The following CNTNAP5 variants were observed in gnomAD, a reference collection of about 807,000 sequenced individuals.
The protein encoded by CNTNAP5 is contactin associated protein family member 5.
In CNTNAP5, 72 loss-of-function variants were observed where a neutral mutation model predicts 150.2. The ratio of observed to expected loss-of-function variants is 0.48; its 90% CI spans 0.40 to 0.58. CNTNAP5 has a LOEUF of 0.58. Ranked by LOEUF, CNTNAP5 falls within the 20% of genes least tolerant of loss-of-function variation. CNTNAP5 has a pLI of 0.00. For synonymous variants in CNTNAP5, 672 were observed against 619.8 expected, an observed-to-expected ratio of 1.08 and a Z score of -1.25; for missense variants, 1,636 against 1,626.2, an observed-to-expected ratio of 1.01 and a Z score of -0.10.
At chr2:124,355,831 A>C (rs564361773) in intron 3 of CNTNAP5, among the ~76,000 whole-genome samples, 78 of 152,312 alleles carry the variant, frequency 5.1e-4, no homozygotes, top group African/African-American at 1.9e-3. Context: ...ATGGATATTG[A>C]AGAGGAAGGA....
chr2:124,201,958 C>T (rs900162700), intron 1 of CNTNAP5, among the ~76,000 whole-genome samples: 1 of 152,040 alleles, frequency 6.6e-6, no homozygotes, highest in African/African-American at 2.4e-5. Context: ...TTTGCTTTGT[C>T]CTCGGCCCCT....
At chr2:124,670,970 GTC>G (rs1470709645) in intron 13 of CNTNAP5, among the ~76,000 whole-genome samples, 1 of 152,214 alleles carries the variant, frequency 6.6e-6, no homozygotes, top group East Asian at 1.9e-4. Context: ...AGAGGTTAGT[GTC>G]TGTTCATGTG....
rs1553434465 is a variant in CNTNAP5, at chr2:124,713,285, CTT to C, written c.2078-33942_2078-33941del. ...TCTTTCTTTCTTTCTTTCTTTCTTT[CTT>C]TCTTTCTTTCTTTCTTCTTTCTCTT... is the stretch of plus-strand genomic sequence containing the variant. On this transcript the variant is annotated intron_variant, in intron 13 of 23. Coordinates refer to ENST00000682447, the MANE Select transcript of CNTNAP5 (RefSeq NM_001367498.1). 2.8e-3 allele frequency among the ~76,000 whole-genome samples: 292 copies of C among 104,864 alleles called. 10 individuals are homozygous for C. In the Middle Eastern group the frequency reaches 0.048, roughly 17 times the overall value. The allele number at this position is 104,864 out of a possible 152,430, so 68.8% of individuals were successfully genotyped here. A position where few individuals can be genotyped will look rare whatever the true frequency, so the allele number is the denominator to read the frequency against.
At chr2:124,426,147 AT>A (rs11324172) in intron 4 of CNTNAP5, among the ~76,000 whole-genome samples, 9,251 of 151,368 alleles carry the variant, frequency 0.061, 431 homozygotes, top group South Asian at 0.13. Context: ...CAGAGTTTTG[AT>A]TTTTTTTTGT....
intron 2 of CNTNAP5, among the ~76,000 whole-genome samples, chr2:124,231,963 G>A (rs1686633843): frequency 6.6e-6 from 1 of 151,920 alleles, no homozygotes; most frequent in South Asian, 2.1e-4. Context: ...CAAAAAAAAA[G>A]TTCCAAGAAA....
intron 1 of CNTNAP5, among the ~76,000 whole-genome samples, chr2:124,122,600 C>T (rs1400750613): frequency 6.6e-6 from 1 of 152,108 alleles, no homozygotes; most frequent in African/African-American, 2.4e-5. Flanking sequence ...TTTCTAGAAG[C>T]ACAAGCATGT....
intron 19 of CNTNAP5, among the ~76,000 whole-genome samples, chr2:124,838,150 A>T (rs572352847): frequency 6.6e-6 from 1 of 152,288 alleles, no homozygotes; most frequent in Admixed American, 6.5e-5. Flanking sequence ...TAATTGCAAG[A>T]ATAGTTAACA....
At chr2:124,332,744 A>G (rs184500010) in intron 3 of CNTNAP5, among the ~76,000 whole-genome samples, 110 of 152,218 alleles carry the variant, frequency 7.2e-4, no homozygotes, top group African/African-American at 2.5e-3. Context: ...TATTCCAGTT[A>G]CATGTATTTA....
intron 14 of CNTNAP5, among the ~76,000 whole-genome samples, chr2:124,761,605 CT>C (rs1680957042): frequency 1.3e-5 from 2 of 152,074 alleles, no homozygotes; most frequent in African/African-American, 4.8e-5. Context: ...CTCTTTCCCC[CT>C]GACAAGAGAT....
At chr2:124,712,633 A>G (rs2105105236) in intron 13 of CNTNAP5, among the ~76,000 whole-genome samples, 1 of 152,330 alleles carries the variant, frequency 6.6e-6, no homozygotes, top group East Asian at 1.9e-4. Context: ...TGGGAAGTCC[A>G]AGATCAAGTT....
intron 11 of CNTNAP5, among the ~76,000 whole-genome samples, chr2:124,588,223 T>C (rs1206133365): frequency 2.7e-5 from 4 of 147,574 alleles, no homozygotes; most frequent in African/African-American, 1.0e-4. Context: ...TTTCTTTCTT[T>C]CTTTCTTTCT....
intron 11 of CNTNAP5, among the ~76,000 whole-genome samples, chr2:124,597,748 T>A (rs1696866215): frequency 6.6e-6 from 1 of 152,008 alleles, no homozygotes; most frequent in Non-Finnish European, 1.5e-5. Context: ...TTTTCCAACT[T>A]GGTTCCATTC....
chr2:124,645,890 A>T (rs1229078626), intron 12 of CNTNAP5, among the ~76,000 whole-genome samples: 1 of 152,116 alleles, frequency 6.6e-6, no homozygotes, highest in Non-Finnish European at 1.5e-5. Context: ...GGCAGTTCAG[A>T]CGGCAAGAGC....
intron 12 of CNTNAP5, among the ~76,000 whole-genome samples, chr2:124,638,251 A>G (rs1026444007): frequency 4.4e-5 from 6 of 135,804 alleles, no homozygotes; most frequent in Non-Finnish European, 8.6e-5. Context: ...AACTTCTCTC[A>G]CAGTGAGACC....
intron 6 of CNTNAP5, among the ~76,000 whole-genome samples, chr2:124,449,879 A>G (rs1394902671): frequency 6.6e-6 from 1 of 152,102 alleles, no homozygotes; most frequent in Non-Finnish European, 1.5e-5. Flanking sequence ...TTCACCCCAA[A>G]GTCTGTGTGG....
rs533663122 is a variant in CNTNAP5 at position 124,104,587 on chromosome 2, A to G, written c.82+78855A>G. ...AATGATTTCCCGACTGTCAAATCCAATGAACATTTTTTAGTCCTATATCGT... is the reference window on the plus strand; with the variant it reads ...AATGATTTCCCGACTGTCAAATCCAGTGAACATTTTTTAGTCCTATATCGT... On this transcript the variant is annotated intron_variant, in intron 1 of 23. Transcript: ENST00000682447. Among the ~76,000 whole-genome samples, 6 of 152,284 alleles carry G rather than the reference A, an allele frequency of 3.9e-5. No individual in the cohort carries two copies. In the South Asian group the frequency reaches 1.0e-3, roughly 26 times the overall value.
At chr2:124,649,237 G>A (rs1449429246) in intron 13 of CNTNAP5, among the ~76,000 whole-genome samples, 1 of 152,186 alleles carries the variant, frequency 6.6e-6, no homozygotes, top group Non-Finnish European at 1.5e-5. Context: ...AGCCAGGCTT[G>A]CAGGGCTGAT....
chr2:124,768,307 G>GTGTGTGTA (rs761983407), intron 16 of CNTNAP5, among the ~76,000 whole-genome samples: 2,759 of 144,678 alleles, frequency 0.019, 74 homozygotes, highest in Middle Eastern at 0.037. Flanking sequence ...GTGTGTGTGT[G>GTGTGTGTA]TGTATATGTA....
In CNTNAP5 at chr2:124,486,256, G is replaced by T. The variant is rs551497528; in HGVS notation, c.1062+11374G>T. 1.6e-4 allele frequency among the ~76,000 whole-genome samples: 25 copies of T among 152,238 alleles called. No homozygotes were observed. In the South Asian group the frequency reaches 5.2e-3, roughly 32 times the overall value. ...TTATAAGTGGGAGCTAAGCTATGAG[G>T]ATGCAAAGGTATAATCATAATAAAA... On this transcript the variant is annotated intron_variant, in intron 7 of 23. Transcript: ENST00000682447.
Sources: gnomAD v4.1 joint callset for allele counts (sites outside exome capture counted in the v4.1 genomes callset) on GRCh38, gnomAD v4.1.1 for gene constraint, MANE v1.5 for transcripts, NCBI Gene and HGNC (gene_info 2026-07-23, HGNC 2026-07-21) for gene names.